Variants in ZNF407 observed in about 807,000 individuals in gnomAD.
ZNF407 encodes the protein zinc finger protein 407.
ZNF407 carries 17 observed loss-of-function variants against 131.2 expected under a neutral mutation model. That is an observed-to-expected ratio of 0.13 (90% CI 0.09 to 0.19). The LOEUF is 0.19. Ranked by LOEUF, ZNF407 falls within the 10% of genes least tolerant of loss-of-function variation. The pLI, the probability that ZNF407 is intolerant of heterozygous loss-of-function variation, is 1.00. For missense variants in ZNF407, 2,681 were observed against 2,830.6 expected (o/e 0.95, Z 1.20); for synonymous variants, 1,156 against 1,062.0 (o/e 1.09, Z -1.72).
At chr18:74,911,062 G>A (rs538851832) in intron 7 of ZNF407, among the ~76,000 whole-genome samples, 2 of 152,238 alleles carry the variant, frequency 1.3e-5, no homozygotes, top group South Asian at 4.1e-4. Flanking sequence ...AGTGACTTTC[G>A]TGGTGTGTAT....
At chr18:74,774,715 G>A (rs1193442689) in intron 3 of ZNF407, among the ~76,000 whole-genome samples, 1 of 152,200 alleles carries the variant, frequency 6.6e-6, no homozygotes, top group African/African-American at 2.4e-5. Context: ...AGATGAAGGA[G>A]ACGTGACGAA....
intron 6 of ZNF407, among the ~76,000 whole-genome samples, chr18:74,884,934 G>T (rs1401725408): frequency 6.6e-6 from 1 of 152,110 alleles, no homozygotes; most frequent in Admixed American, 6.5e-5. Flanking sequence ...TATGAAAAAT[G>T]AATAGTTTGA....
intron 3 of ZNF407, among the ~76,000 whole-genome samples, chr18:74,762,065 T>A (rs1270521982): frequency 6.6e-6 from 1 of 152,098 alleles, no homozygotes; most frequent in Non-Finnish European, 1.5e-5. Flanking sequence ...TAGTTACCTT[T>A]TTGCTCTGAA....
intron 3 of ZNF407, among the ~76,000 whole-genome samples, chr18:74,730,612 G>A (rs967569316): frequency 1.3e-5 from 2 of 151,880 alleles, no homozygotes; most frequent in Admixed American, 6.6e-5. Context: ...GCCCTTTAAG[G>A]GTATCTTGTT....
rs181793863 is a variant in ZNF407, at chr18:74,999,404, A to G, written c.5429-63746A>G. Among the ~76,000 whole-genome samples, 454 of 149,714 alleles carry G rather than the reference A, an allele frequency of 3.0e-3. 6 individuals carry two copies. The highest frequency in any genetic ancestry group is 0.01 in the African/African-American group (423 of 40,820). On this transcript the variant is annotated intron_variant, in intron 8 of 8. Transcript: ENST00000299687. ...AGGTAAAACTTAAGTATTTTGTTTG[A>G]AAGTTGTAGGTTTATTTATACAAAC...
intron 3 of ZNF407, among the ~76,000 whole-genome samples, chr18:74,665,845 C>T (rs979037896): frequency 6.6e-5 from 10 of 152,116 alleles, no homozygotes; most frequent in African/African-American, 2.4e-4. Flanking sequence ...ATGTATTAAT[C>T]ATTCACTTGG....
intron 4 of ZNF407, among the ~76,000 whole-genome samples, chr18:74,809,844 C>T (rs1970168993): frequency 6.6e-6 from 1 of 152,166 alleles, no homozygotes; most frequent in African/African-American, 2.4e-5. Flanking sequence ...TGAGAGATGA[C>T]TGTAGTTAGC....
chr18:74,638,824 T>A (rs1450704615), intron 2 of ZNF407, among the ~76,000 whole-genome samples: 2 of 152,202 alleles, frequency 1.3e-5, no homozygotes, highest in Admixed American at 6.5e-5. Flanking sequence ...AATTTTGTCT[T>A]ATAAACACTG....
At chr18:74,964,437 T>C (rs1309710619) in intron 8 of ZNF407, among the ~76,000 whole-genome samples, 1 of 152,218 alleles carries the variant, frequency 6.6e-6, no homozygotes, top group Non-Finnish European at 1.5e-5. Context: ...CTGATGATAG[T>C]TTCAAAAGCA....
chr18:74,955,537 A>C (rs1972265629), intron 8 of ZNF407, among the ~76,000 whole-genome samples: 1 of 152,216 alleles, frequency 6.6e-6, no homozygotes, highest in Non-Finnish European at 1.5e-5. Context: ...TAACTTTGGC[A>C]CAATCAGTAT....
At chr18:74,935,739 A>G (rs890309733) in intron 8 of ZNF407, among the ~76,000 whole-genome samples, 1 of 152,234 alleles carries the variant, frequency 6.6e-6, no homozygotes, top group African/African-American at 2.4e-5. Context: ...CCGAGCAGGC[A>G]GAAGAGACTG....
At chr18:74,670,515 G>T (rs868726757) in intron 3 of ZNF407, among the ~76,000 whole-genome samples, 2 of 152,058 alleles carry the variant, frequency 1.3e-5, no homozygotes, top group African/African-American at 4.8e-5. Context: ...TGAATACATG[G>T]TTCTTCTAAG....
chr18:74,914,500 C>T (rs1178799446), intron 7 of ZNF407, among the ~76,000 whole-genome samples: 1 of 152,150 alleles, frequency 6.6e-6, no homozygotes, highest in Non-Finnish European at 1.5e-5. Flanking sequence ...TAGCTTTTAC[C>T]AACTCTCTGA....
intron 3 of ZNF407, among the ~76,000 whole-genome samples, chr18:74,723,564 C>G (rs1968088818): frequency 6.6e-6 from 1 of 152,132 alleles, no homozygotes; most frequent in African/African-American, 2.4e-5. Context: ...CTTCCTTGTT[C>G]CTACATGCTT....
At chr18:74,672,417 A>G (rs1297743329) in intron 3 of ZNF407, among the ~76,000 whole-genome samples, 1 of 145,260 alleles carries the variant, frequency 6.9e-6, no homozygotes, top group Non-Finnish European at 1.5e-5. Flanking sequence ...TTGTTGGAGC[A>G]CTGTTTGTCC....
intron 3 of ZNF407, among the ~76,000 whole-genome samples, chr18:74,710,983 CATTCTCCAT>C: frequency 9.3e-6 from 1 of 107,904 alleles, no homozygotes; most frequent in African/African-American, 2.9e-5. Context: ...TCACTCTGTC[CATTCTCCAT>C]GGATGCTATT....
intron 3 of ZNF407, among the ~76,000 whole-genome samples, chr18:74,732,570 A>G (rs1266925952): frequency 6.6e-6 from 1 of 152,210 alleles, no homozygotes; most frequent in African/African-American, 2.4e-5. Context: ...AGCAGTATTG[A>G]CCTTAGATAA....
At chr18:74,754,748 TGAG>T (rs1336836196) in intron 3 of ZNF407, among the ~76,000 whole-genome samples, 1 of 152,232 alleles carries the variant, frequency 6.6e-6, no homozygotes, top group Non-Finnish European at 1.5e-5. Flanking sequence ...TTACATTTGC[TGAG>T]GAGAGCTTTA....
chr18:75,026,462 G>A (rs542102511), intron 8 of ZNF407, among the ~76,000 whole-genome samples: 2 of 152,288 alleles, frequency 1.3e-5, no homozygotes, highest in African/African-American at 2.4e-5. Flanking sequence ...GAATCCATTA[G>A]TAATACCATA....
Sources: allele counts gnomAD v4.1 joint callset (sites outside exome capture counted in the v4.1 genomes callset), GRCh38; gene constraint gnomAD v4.1.1; transcripts MANE v1.5; gene names NCBI Gene and HGNC (gene_info 2026-07-23, HGNC 2026-07-21).